Variants in CADM2 observed in about 807,000 individuals in gnomAD.
The protein encoded by CADM2 is cell adhesion molecule 2.
Under a neutral mutation model 49.8 loss-of-function variants are expected in CADM2, and 12 were observed. The ratio of observed to expected loss-of-function variants is 0.24; its 90% CI spans 0.15 to 0.39. CADM2 has a LOEUF of 0.39. CADM2 is among the 10% of genes least tolerant of loss of function. The pLI is 1.00. For missense variants in CADM2, 378 were observed against 492.3 expected (o/e 0.77, Z 2.20); for synonymous variants, 214 against 175.4 (o/e 1.22, Z -1.74).
chr3:86,025,727 T>C (rs1733831492), intron 8 of CADM2, among the ~76,000 whole-genome samples: 2 of 152,198 alleles, frequency 1.3e-5, no homozygotes, highest in Non-Finnish European at 2.9e-5. Flanking sequence ...GTAACAAATA[T>C]GACTTTTATT....
intron 7 of CADM2, among the ~76,000 whole-genome samples, 167 bp downstream of exon 7, chr3:85,936,024 G>A (rs190147146): frequency 6.6e-6 from 1 of 151,664 alleles, no homozygotes; most frequent in Non-Finnish European, 1.5e-5. Flanking sequence ...GTCTATGGAA[G>A]ATTGGTTTTT....
chr3:85,120,525 C>T, intron 1 of CADM2, among the ~76,000 whole-genome samples: 1 of 152,010 alleles, frequency 6.6e-6, no homozygotes, highest in Admixed American at 6.6e-5. Context: ...ATGTTTTTTG[C>T]AGGGACATGG....
chr3:85,706,881 T>C (rs1160860258), intron 1 of CADM2, among the ~76,000 whole-genome samples: 1 of 152,194 alleles, frequency 6.6e-6, no homozygotes, highest in Non-Finnish European at 1.5e-5. Flanking sequence ...CAATATATTC[T>C]GGAGGAGACT....
intron 1 of CADM2, among the ~76,000 whole-genome samples, chr3:85,114,446 G>A (rs1419520926): frequency 6.6e-6 from 1 of 152,056 alleles, no homozygotes; most frequent in African/African-American, 2.4e-5. Flanking sequence ...GAAAAATTAG[G>A]TTTTGGTTGT....
chr3:85,454,065 A>G (rs745566031), intron 1 of CADM2, among the ~76,000 whole-genome samples: 15 of 152,186 alleles, frequency 9.9e-5, no homozygotes, highest in Non-Finnish European at 1.6e-4. Flanking sequence ...ATTTTAAAAA[A>G]TACAAGCGGC....
intron 8 of CADM2, among the ~76,000 whole-genome samples, chr3:85,985,518 G>T (rs1238446735): frequency 1.3e-5 from 2 of 151,702 alleles, no homozygotes; most frequent in African/African-American, 4.9e-5. Context: ...TACTTAAAAT[G>T]ATTCTCGAAG....
intron 1 of CADM2, among the ~76,000 whole-genome samples, chr3:85,341,123 A>G (rs930864725): frequency 6.6e-6 from 1 of 150,780 alleles, no homozygotes; most frequent in East Asian, 1.9e-4. Flanking sequence ...TTTTTTTTTA[A>G]GTTTGCCAAG....
rs1401176306 is a variant in CADM2, at chr3:85,944,700, C to T, written c.791+8843C>T. Among the ~76,000 whole-genome samples, 4 of 151,918 alleles carry T rather than the reference C, an allele frequency of 2.6e-5. No individual in the cohort carries two copies. In the South Asian group the frequency reaches 8.3e-4, roughly 32 times the overall value. On this transcript the variant is annotated intron_variant, in intron 7 of 9. Coordinates refer to ENST00000383699, the MANE Select transcript of CADM2 (RefSeq NM_001167675.2). ...TACTGGGTACATAATGAAATGAAGG[C>T]AGAAATAAAGATGTTCTTTGAAACC...
chr3:85,134,162 G>T (rs949042651), intron 1 of CADM2, among the ~76,000 whole-genome samples: 4 of 152,222 alleles, frequency 2.6e-5, no homozygotes, highest in African/African-American at 9.6e-5. Flanking sequence ...TGAGTGCGGG[G>T]TCCGCCAAGC....
chr3:85,407,102 T>A (rs2035419977), intron 1 of CADM2, among the ~76,000 whole-genome samples: 1 of 152,080 alleles, frequency 6.6e-6, no homozygotes, highest in Non-Finnish European at 1.5e-5. Flanking sequence ...CTGGAAAGTC[T>A]AAGGTGGGAG....
chr3:85,838,675 T>G (rs1315196279), intron 3 of CADM2, among the ~76,000 whole-genome samples: 1 of 151,724 alleles, frequency 6.6e-6, no homozygotes, highest in African/African-American at 2.4e-5. Flanking sequence ...GCAGCCAAGG[T>G]TGAAAAAATC....
At chr3:85,567,234 C>T (rs1195218711) in intron 1 of CADM2, among the ~76,000 whole-genome samples, 7 of 152,124 alleles carry the variant, frequency 4.6e-5, no homozygotes, top group African/African-American at 1.7e-4. Context: ...TCTCATCAGG[C>T]TGCTGCATTA....
At position 85,734,408 on chromosome 3, in the gene CADM2, A is replaced by G. The variant is rs182304897; in HGVS notation, c.88+7860A>G. 2.4e-3 allele frequency among the ~76,000 whole-genome samples: 370 copies of G among 152,052 alleles called. 1 individual carries two copies. The highest frequency in any genetic ancestry group is 5.2e-3 in the Admixed American group (79 of 15,228). On this transcript the variant is annotated intron_variant, in intron 2 of 9. Coordinates refer to ENST00000383699, the MANE Select transcript of CADM2 (RefSeq NM_001167675.2). ...GGCACTCTCAATGCAGGGAGACTGT[A>G]TATGAATCCTGCCTTACCCCCAGTG...
intron 1 of CADM2, among the ~76,000 whole-genome samples, chr3:85,282,429 ATTTTTTTTT>A: frequency 8.1e-6 from 1 of 124,050 alleles, no homozygotes; most frequent in East Asian, 2.3e-4. Flanking sequence ...TCTTGGCCAA[ATTTTTTTTT>A]TTTTTTTTTT....
chr3:85,855,884 C>T (rs71316816), intron 3 of CADM2, among the ~76,000 whole-genome samples: 7,801 of 151,774 alleles, frequency 0.051, 278 homozygotes, highest in Middle Eastern at 0.092. Context: ...CCTCGGCCTC[C>T]GAAAGTGCTG....
At chr3:85,891,262 A>G (rs1033244467) in intron 5 of CADM2, among the ~76,000 whole-genome samples, 1 of 152,190 alleles carries the variant, frequency 6.6e-6, no homozygotes, top group East Asian at 1.9e-4. Flanking sequence ...CAGCTCCCTA[A>G]GAGCTTACAT....
At position 85,902,183 on chromosome 3, in the gene CADM2, A is replaced by T. The variant is rs527608791; in HGVS notation, c.530-10190A>T. Among the ~76,000 whole-genome samples the T allele has an allele frequency of 3.2e-3, 492 of 152,208 alleles. 3 individuals carry two copies. The highest frequency in any genetic ancestry group is 5.4e-3 in the Non-Finnish European group (365 of 67,962). ...TGCTGGACTAAATGGTTTCTGCTTC[A>T]CGTACCTTAAGTGCTCTCTTTACAT... On this transcript the variant is annotated intron_variant, in intron 5 of 9. Coordinates refer to ENST00000383699, the MANE Select transcript of CADM2 (RefSeq NM_001167675.2).
intron 8 of CADM2, among the ~76,000 whole-genome samples, chr3:86,001,781 G>T (rs1032863676): frequency 6.6e-6 from 1 of 152,110 alleles, no homozygotes; most frequent in African/African-American, 2.4e-5. Context: ...ATTAAGAAAG[G>T]TTTTTAAATG....
At chr3:85,724,008 ACT>A (rs2067598956) in intron 1 of CADM2, among the ~76,000 whole-genome samples, 1 of 151,946 alleles carries the variant, frequency 6.6e-6, no homozygotes, top group Non-Finnish European at 1.5e-5. Context: ...TCTAAAAATA[ACT>A]CAGTCTTAAA....
Sources: gnomAD v4.1 joint callset for allele counts (sites outside exome capture counted in the v4.1 genomes callset) on GRCh38, gnomAD v4.1.1 for gene constraint, MANE v1.5 for transcripts, NCBI Gene and HGNC (gene_info 2026-07-23, HGNC 2026-07-21) for gene names.